MXRA5: variants seen among roughly 807,000 people sequenced by gnomAD.
The protein encoded by MXRA5 is matrix-remodeling-associated protein 5.
In MXRA5, 41 loss-of-function variants were observed where a neutral mutation model predicts 112.5. The ratio of observed to expected loss-of-function variants is 0.36; its 90% CI spans 0.28 to 0.47. MXRA5 has a LOEUF of 0.47. Ranked by LOEUF, MXRA5 falls within the 20% of genes least tolerant of loss-of-function variation. The pLI, the probability that MXRA5 is intolerant of heterozygous loss-of-function variation, is 0.99. For synonymous variants in MXRA5, 862 were observed against 900.8 expected, an observed-to-expected ratio of 0.96 and a Z score of 0.77; for missense variants, 2,150 against 2,251.0, an observed-to-expected ratio of 0.96 and a Z score of 0.91.
intron 4 of MXRA5, among the ~76,000 whole-genome samples, chrX:3,325,762 T>C (rs2146924516): frequency 2.8e-5 from 1 of 35,300 alleles, no homozygotes; most frequent in South Asian, 9.5e-4. Context: ...TCATATTTAC[T>C]TTTTTAAGTC....
At position 3,317,778 on chromosome X, in the gene MXRA5, A is replaced by G. The variant is rs1352946913; in HGVS notation, c.5903T>C (p.Ile1968Thr). Residue 1968 changes from isoleucine to threonine, a missense_variant, in exon 6 of 7, where the codon ATT (isoleucine) becomes ACT (threonine). This residue lies in a region of MXRA5 where 1,485 missense variants were observed against 1,471.6 expected (regional missense o/e 1.01). Coordinates refer to ENST00000217939, the MANE Select transcript of MXRA5 (RefSeq NM_015419.4). ...CCCTTTGGCCAGACACTCCATTGCA[A>G]TGGTGTCTCCCAGGTAGACAGTGAC... is the stretch of plus-strand genomic sequence containing the variant. ...QDVTVYLGDT[I>T]AMECLAKGTP... 1 of 1,210,441 alleles carries G rather than the reference A, an allele frequency of 8.3e-7. No homozygotes were observed. The highest frequency in any genetic ancestry group is 1.7e-5 in the African/African-American group (1 of 57,721).
Position 3,315,347 on chromosome X carries a change from T to TGATAGATA in MXRA5, c.6578+1748_6578+1755dup, listed in dbSNP as rs370294021. ...AGATAGATAGATATAGATAGATAGATGATAGATAGATAGATAGATAGATAG... is the reference window on the plus strand; with the variant it reads ...AGATAGATAGATATAGATAGATAGATGATAGATAGATAGATAGATAGATAGATAGATAG... On this transcript the variant is annotated intron_variant, in intron 6 of 6. Coordinates refer to ENST00000217939, the MANE Select transcript of MXRA5 (RefSeq NM_015419.4). 2.8e-4 allele frequency among the ~76,000 whole-genome samples: 17 copies of TGATAGATA among 60,550 alleles called. 3 individuals carry two copies. The highest frequency in any genetic ancestry group is 1.3e-3 in the African/African-American group (15 of 11,757). The allele number at this position is 60,550 out of a possible 115,157, so 52.6% of individuals were successfully genotyped here.
intron 5 of MXRA5, among the ~76,000 whole-genome samples, chrX:3,318,912 A>G (rs1252768321): frequency 1.8e-5 from 2 of 111,993 alleles, no homozygotes; most frequent in East Asian, 2.8e-4. Context: ...TTGCCACAAC[A>G]TAAATGAACC....
At chrX:3,312,231 T>C (rs1357418264) in intron 6 of MXRA5, among the ~76,000 whole-genome samples, 1 of 111,625 alleles carries the variant, frequency 9.0e-6, no homozygotes, top group African/African-American at 3.3e-5. Flanking sequence ...ACAGGTTTTC[T>C]AGAATTTGTA....
intron 2 of MXRA5, among the ~76,000 whole-genome samples, chrX:3,338,938 T>G (rs918237710): frequency 2.9e-5 from 3 of 101,800 alleles, no homozygotes; most frequent in African/African-American, 1.1e-4. Context: ...ATAGGCAGAC[T>G]ATAGATAATA....
chrX:3,330,370 T>C lies in MXRA5; in HGVS notation c.357A>G (p.Thr119=), dbSNP rs148411467. 735 of 1,205,516 alleles carry C rather than the reference T, an allele frequency of 6.1e-4. 3 individuals are homozygous for C. In the African/African-American group the frequency reaches 0.011, roughly 19 times the overall value. The stretch of plus-strand genomic sequence containing the variant: ...TAGAGAGACCCTGGAGGGTCTGTCC[T>C]GTGATCACTCTCAGCTTGTTGTAGC... ...KFSYNKLRVI[T]GQTLQGLSNL... Residue 119 remains threonine, a synonymous_variant, in exon 4 of 7, where the codon ACA becomes ACG. Coordinates refer to ENST00000217939, the MANE Select transcript of MXRA5 (RefSeq NM_015419.4).
chrX:3,324,156 G>C lies in MXRA5; in HGVS notation c.1529C>G (p.Ser510Cys). Residue 510 changes from serine to cysteine, a missense_variant, in exon 5 of 7, where the codon TCT (serine) becomes TGT (cysteine). By Grantham distance (112) the Ser-to-Cys change is moderately radical (BLOSUM62 -1). This residue lies in a region of MXRA5 where 386 missense variants were observed against 411.0 expected (regional missense o/e 0.94). Coordinates refer to ENST00000217939, the MANE Select transcript of MXRA5 (RefSeq NM_015419.4). ...GCCATCTGGAAGCACCCAGAAGATA[G>C]ATGGACTCTCAGAAGCTTTCACGTT... ...SCNVKASESP[S>C]IFWVLPDGSI... 1 of 1,211,687 alleles carries C rather than the reference G, an allele frequency of 8.3e-7. No homozygotes were observed. The highest frequency in any genetic ancestry group is 1.1e-6 in the Non-Finnish European group (1 of 895,527).
intron 6 of MXRA5, 27 bp downstream of exon 6, chrX:3,317,076 T>C: frequency 2.7e-6 from 3 of 1,114,895 alleles, no homozygotes; most frequent in Non-Finnish European, 3.5e-6. Flanking sequence ...CCCAGCGATT[T>C]ACAGGAAGCC....
chrX:3,330,965 C>A (rs1386285686), intron 2 of MXRA5, among the ~76,000 whole-genome samples, 192 bp from the exon 3 acceptor site: 1 of 111,392 alleles, frequency 9.0e-6, no homozygotes, highest in East Asian at 2.8e-4. Flanking sequence ...TGCAGCGGTG[C>A]AATCGTAGCT....
rs1330026839 is a variant in MXRA5 at position 3,321,021 on chromosome X, G to C, written c.4664C>G (p.Pro1555Arg). ...NNEGTQHMSG[P>R]NELSTPSSDQ... The stretch of plus-strand genomic sequence containing the variant: ...GGAAGAGGGTGTTGATAATTCATTT[G>C]GCCCTGACATATGCTGTGTTCCTTC... The change falls in exon 5 of 7, where the codon CCA (proline) becomes CGA (arginine). Residue 1555 changes from proline (P) to arginine (R), a missense_variant. By Grantham distance (103) the Pro-to-Arg change is moderately radical. This residue lies in a region of MXRA5 where 1,485 missense variants were observed against 1,471.6 expected (regional missense o/e 1.01). Transcript: ENST00000217939. 3 of 1,210,394 alleles carry C rather than the reference G, an allele frequency of 2.5e-6. No homozygotes were observed. The highest frequency in any genetic ancestry group is 5.9e-5 in the East Asian group (2 of 33,802).
At chrX:3,325,549 T>C (rs186996318) in intron 4 of MXRA5, among the ~76,000 whole-genome samples, 1 of 104,979 alleles carries the variant, frequency 9.5e-6, no homozygotes, top group African/African-American at 3.4e-5. Context: ...TATATATTTA[T>C]ATAATATATA....
chrX:3,317,494 G>A lies in MXRA5; in HGVS notation c.6187C>T (p.Leu2063Phe). 1.7e-6 allele frequency: 2 copies of A among 1,195,893 alleles called. No homozygotes were observed. The highest frequency in any genetic ancestry group is 2.3e-6 in the Non-Finnish European group (2 of 887,880). Residue 2063 changes from leucine to phenylalanine, a missense_variant, in exon 6 of 7, where the codon CTC becomes TTC. Transcript: ENST00000217939. ...KLENISLPPG[L>F]SIHIHCTAKA... Reference sequence around the variant, plus strand: ...GCAGTGCAGTGAATGTGAATGCTGAGCCCCGGGGGCAGCGAGATGTTCTCC... The same window carrying A: ...GCAGTGCAGTGAATGTGAATGCTGAACCCCGGGGGCAGCGAGATGTTCTCC...
chrX:3,331,517 A>G (rs938614101), intron 2 of MXRA5, among the ~76,000 whole-genome samples: 2 of 111,718 alleles, frequency 1.8e-5, no homozygotes, highest in African/African-American at 6.5e-5. Context: ...ACGGCATTGG[A>G]ATTTGCTTTG....
intron 1 of MXRA5, 132 bp from the exon 2 acceptor site, chrX:3,343,993 T>G: frequency 2.0e-6 from 1 of 494,777 alleles, no homozygotes; most frequent in East Asian, 3.7e-5. Context: ...GTAGTGACGC[T>G]TAAACCATGG....
chrX:3,329,989 A>G, intron 4 of MXRA5, 29 bp downstream of exon 4: 3 of 1,188,991 alleles, frequency 2.5e-6, no homozygotes, highest in East Asian at 3.0e-5. Context: ...ATGTGCAGCT[A>G]GGAGTGGTCT....
Position 3,322,806 on chromosome X carries a change from T to A in MXRA5, c.2879A>T (p.Tyr960Phe). 6 of 1,211,781 alleles carry A rather than the reference T, an allele frequency of 5.0e-6. No homozygotes were observed. Among genetic ancestry groups the A allele is most frequent in the Non-Finnish European group, 6.7e-6 (6 of 895,543 alleles). ...GGAGACAGCATCCAATGGAGGCTCATACTCACTGGATGTGGGCTCTGGTGA... is the reference window on the plus strand; with the variant it reads ...GGAGACAGCATCCAATGGAGGCTCAAACTCACTGGATGTGGGCTCTGGTGA... ...GSSPEPTSSE[Y>F]EPPLDAVSLA... The change falls in exon 5 of 7, where the codon TAT becomes TTT. Residue 960 changes from tyrosine (Y) to phenylalanine (F), a missense_variant. Tyr to Phe is a conservative substitution (Grantham distance 22). Transcript: ENST00000217939.
rs760443133 is a variant in MXRA5 at position 3,323,251 on chromosome X, A to C, written c.2434T>G (p.Ser812Ala). Residue 812 changes from serine (S) to alanine (A), a missense_variant, in exon 5 of 7, where the codon TCC (serine) becomes GCC (alanine). Transcript: ENST00000217939. ...PPLIKTTSPPSLSLEVTPPFP... is the reference protein window; with the variant it reads ...PPLIKTTSPPALSLEVTPPFP... ...GGTGGTGTGACTTCTAGACTCAAGG[A>C]TGGAGGACTTGTGGTTTTAATCAAT... The C allele has an allele frequency of 1.7e-6, 2 of 1,211,467 alleles. No homozygotes were observed. Among genetic ancestry groups the C allele is most frequent in the Admixed American group, 4.3e-5 (2 of 46,010 alleles).
intron 4 of MXRA5, among the ~76,000 whole-genome samples, chrX:3,326,002 T>C (rs373098709): frequency 1.9e-5 from 1 of 53,013 alleles, no homozygotes; most frequent in Non-Finnish European, 3.3e-5. Flanking sequence ...ATATATTATA[T>C]ATTATATATA....
chrX:3,320,530 T>C lies in MXRA5; in HGVS notation c.5155A>G (p.Ser1719Gly). The C allele has an allele frequency of 8.3e-7, 1 of 1,211,999 alleles. No homozygotes were observed. Residue 1719 changes from serine (S) to glycine (G), a missense_variant, in exon 5 of 7, where the codon AGT becomes GGT. Transcript: ENST00000217939. The part of the protein sequence containing the change: ...EARNPVGKPP[S>G]PRIPHYSNGR... ...TTGGAATAATGAGGAATTCTTGGACTGGGAGGCTTTCCAACTGGGTTTCTT... is the reference window on the plus strand; with the variant it reads ...TTGGAATAATGAGGAATTCTTGGACCGGGAGGCTTTCCAACTGGGTTTCTT...
Sources: allele counts gnomAD v4.1 joint callset (sites outside exome capture counted in the v4.1 genomes callset), GRCh38; gene constraint gnomAD v4.1.1; regional missense constraint gnomAD v4.1.1; transcripts MANE v1.5; gene names NCBI Gene and HGNC (gene_info 2026-07-23, HGNC 2026-07-21).